CACNA1C: variants seen among roughly 807,000 people sequenced by gnomAD.
The protein encoded by CACNA1C is voltage-dependent L-type calcium channel subunit alpha-1C.
CACNA1C carries 30 observed loss-of-function variants against 229.0 expected under a neutral mutation model. The observed-to-expected ratio is 0.13, with a 90% CI of 0.10 to 0.18. The LOEUF (loss-of-function observed/expected upper bound fraction) is 0.18. Ranked by LOEUF, CACNA1C falls within the 10% of genes least tolerant of loss-of-function variation. The pLI is 1.00. For synonymous variants in CACNA1C, 1,114 were observed against 1,132.5 expected, an observed-to-expected ratio of 0.98 and a Z score of 0.33; for missense variants, 1,658 against 2,845.0, an observed-to-expected ratio of 0.58 and a Z score of 9.49.
chr12:2,425,505 A>G (rs1368255062), intron 3 of CACNA1C, among the ~76,000 whole-genome samples: 1 of 152,250 alleles, frequency 6.6e-6, no homozygotes, highest in East Asian at 1.9e-4. Flanking sequence ...TCGAGATTAT[A>G]AGAAATAATT....
At chr12:2,383,283 A>G (rs2040852033) in intron 3 of CACNA1C, among the ~76,000 whole-genome samples, 1 of 152,188 alleles carries the variant, frequency 6.6e-6, no homozygotes, top group Non-Finnish European at 1.5e-5. Flanking sequence ...TGGAGACTAA[A>G]GCGGGTTGTC....
intron 5 of CACNA1C, among the ~76,000 whole-genome samples, chr12:2,466,225 C>T (rs1017798956): frequency 3.3e-5 from 5 of 152,198 alleles, no homozygotes; most frequent in Non-Finnish European, 7.3e-5. Context: ...TTTAAAGCCA[C>T]TCATGCTGTC....
At chr12:2,450,319 C>T (rs947361983) in intron 4 of CACNA1C, among the ~76,000 whole-genome samples, 9 of 151,990 alleles carry the variant, frequency 5.9e-5, no homozygotes, top group East Asian at 3.9e-4. Context: ...CTTTGGGAGG[C>T]CAAGGCGGGC....
At chr12:2,387,764 A>ATCC (rs1322615137) in intron 3 of CACNA1C, among the ~76,000 whole-genome samples, 1 of 152,146 alleles carries the variant, frequency 6.6e-6, no homozygotes, top group Non-Finnish European at 1.5e-5. Context: ...GAGAGAGCTC[A>ATCC]GCAGCTGCAA....
At position 2,358,631 on chromosome 12, in the gene CACNA1C, C is replaced by T. The variant is rs184215092; in HGVS notation, c.478-90345C>T. Among the ~76,000 whole-genome samples, 29 of 152,266 alleles carry T rather than the reference C, an allele frequency of 1.9e-4. No homozygotes were observed. In the East Asian group the frequency reaches 3.1e-3, roughly 16 times the overall value. ...GAAAGAAAGGAGAAGTGCTAAATGA[C>T]GAGTTTCTAAGTGCACTAGGCTTTC... On this transcript the variant is annotated intron_variant, in intron 3 of 46. Coordinates refer to ENST00000399655, the MANE Select transcript of CACNA1C (RefSeq NM_000719.7).
intron 1 of CACNA1C, among the ~76,000 whole-genome samples, chr12:1,974,794 C>T (rs985412448): frequency 6.6e-6 from 1 of 152,162 alleles, no homozygotes; most frequent in African/African-American, 2.4e-5. Context: ...TGACAACTAT[C>T]ACCATAAGTG....
rs1251834201 is a variant in CACNA1C at position 2,689,683 on chromosome 12, C to G, written c.6117+904C>G. 6.6e-6 allele frequency among the ~76,000 whole-genome samples: 1 copy of G among 151,990 alleles called. No individual in the cohort carries two copies. The highest frequency in any genetic ancestry group is 2.4e-5 in the African/African-American group (1 of 41,378). On this transcript the variant is annotated intron_variant, in intron 46 of 46. Transcript: ENST00000399655. The surrounding 1 kb of genome is among the most constrained non-coding windows in gnomAD (Gnocchi z 4.2). ...AAACCAGGTGGCTTCCAAGGTTTAC[C>G]TCTCAAAGTCTGGTATTCCTGTGGC...
intron 1 of CACNA1C, among the ~76,000 whole-genome samples, chr12:2,057,854 C>G (rs1354358874): frequency 6.6e-6 from 1 of 152,190 alleles, no homozygotes; most frequent in Non-Finnish European, 1.5e-5. Context: ...ATGGGGTGAC[C>G]TGAAGCATGG....
At chr12:2,113,425 C>T (rs116109676) in intron 1 of CACNA1C, among the ~76,000 whole-genome samples, 1,607 of 152,106 alleles carry the variant, frequency 0.011, 26 homozygotes, top group African/African-American at 0.036. Context: ...CTGGGAGAGG[C>T]GCCAAGTGTT....
intron 1 of CACNA1C, among the ~76,000 whole-genome samples, chr12:2,109,728 G>A (rs562569177): frequency 6.6e-6 from 1 of 152,330 alleles, no homozygotes; most frequent in Non-Finnish European, 1.5e-5. Flanking sequence ...CTGAGGAAAA[G>A]GTCAGGGTGG....
At chr12:2,086,052 T>C (rs924315857) in intron 1 of CACNA1C, among the ~76,000 whole-genome samples, 1 of 152,210 alleles carries the variant, frequency 6.6e-6, no homozygotes, top group Non-Finnish European at 1.5e-5. Flanking sequence ...ATGCAGCGGG[T>C]TGGGCATCCC....
chr12:2,077,591 T>G (rs1451408161), intron 1 of CACNA1C, among the ~76,000 whole-genome samples: 1 of 152,144 alleles, frequency 6.6e-6, no homozygotes, highest in Non-Finnish European at 1.5e-5. Flanking sequence ...AAGGAGAGAA[T>G]AGGTTCAAAA....
chr12:2,219,963 T>C (rs1328950311), intron 3 of CACNA1C, among the ~76,000 whole-genome samples: 1 of 152,154 alleles, frequency 6.6e-6, no homozygotes, highest in Non-Finnish European at 1.5e-5. Context: ...TCTCTGACAT[T>C]GAATTTGTCA....
At chr12:2,433,677 T>G (rs2154558929) in intron 3 of CACNA1C, among the ~76,000 whole-genome samples, 1 of 49,924 alleles carries the variant, frequency 2.0e-5, no homozygotes, top group South Asian at 9.0e-4. Context: ...CAGACAGCCC[T>G]TCCTTCTTGG....
At chr12:2,615,504 A>G (rs2079993397) in intron 29 of CACNA1C, among the ~76,000 whole-genome samples, 1 of 152,198 alleles carries the variant, frequency 6.6e-6, no homozygotes, top group African/African-American at 2.4e-5. Context: ...TTAGGATATC[A>G]TTTCTCCTCA....
intron 31 of CACNA1C, among the ~76,000 whole-genome samples, chr12:2,650,717 C>A (rs564105978): frequency 1.6e-4 from 24 of 152,300 alleles, no homozygotes; most frequent in Non-Finnish European, 2.5e-4. Flanking sequence ...CAGGCTCCCC[C>A]AGGTCCAACA....
chr12:2,581,219 C>T (rs7311355), intron 13 of CACNA1C, among the ~76,000 whole-genome samples: 92,844 of 151,706 alleles, frequency 0.61, 30,082 homozygotes, highest in South Asian at 0.71. Context: ...GATCATGTCA[C>T]GCAATCCTGC....
At chr12:2,437,806 G>GGTGATA (rs2099150756) in intron 3 of CACNA1C, among the ~76,000 whole-genome samples, 1 of 108,608 alleles carries the variant, frequency 9.2e-6, no homozygotes, top group African/African-American at 4.2e-5. Context: ...TGGGGATGGT[G>GGTGATA]ATGATGGTGG....
chr12:2,030,935 C>G lies in CACNA1C; in HGVS notation c.139+59734C>G, dbSNP rs755670899. On this transcript the variant is annotated intron_variant, in intron 1 of 46. Coordinates refer to the CACNA1C transcript ENST00000682462. ...ATGAGTTTAGTTCATAAGACAGAGG[C>G]AAGCTTTGTCCTGACATCTTTGCCT... Among the ~76,000 whole-genome samples, 4 of 152,212 alleles carry G rather than the reference C, an allele frequency of 2.6e-5. No homozygotes were observed. In the East Asian group the frequency reaches 7.7e-4, roughly 29 times the overall value.
Sources: gnomAD v4.1 joint callset for allele counts (sites outside exome capture counted in the v4.1 genomes callset) on GRCh38, gnomAD v4.1.1 for gene constraint, Gnocchi (gnomAD v3.1) non-coding constraint, MANE v1.5 for transcripts, NCBI Gene and HGNC (gene_info 2026-07-23, HGNC 2026-07-21) for gene names.